The following SVOPL variants were observed in gnomAD, a reference collection of about 807,000 sequenced individuals.
The protein encoded by SVOPL is SVOP like, also known as putative transporter SVOPL.
Under a neutral mutation model 61.0 loss-of-function variants are expected in SVOPL, and 60 were observed. The ratio of observed to expected loss-of-function variants is 0.98; its 90% confidence interval spans 0.80 to 1.22. The LOEUF is 1.22. Ranked by LOEUF, SVOPL falls within the 50% of genes most tolerant of loss-of-function variation. The pLI is 0.00. For missense variants in SVOPL, 662 were observed against 643.9 expected (o/e 1.03, Z -0.30); for synonymous variants, 279 against 250.0 (o/e 1.12, Z -1.09).
intron 1 of SVOPL, among the ~76,000 whole-genome samples, chr7:138,696,911 A>G (rs1584874115): frequency 6.6e-6 from 1 of 152,056 alleles, no homozygotes; most frequent in East Asian, 1.9e-4. Flanking sequence ...CCTGCTCTCC[A>G]TTACTGGCCA....
chr7:138,644,197 CAAAAAAA>C lies in SVOPL; in HGVS notation c.789+513_789+519del, dbSNP rs71179714. On this transcript the variant is annotated intron_variant, in intron 9 of 15. Transcript: ENST00000674285. ...GCCTGGTGACAGAGCAAGACTCCAT[CAAAAAAA>C]AAAAAAAAAAAAAAAAAAAAAAGGA... 3.5e-3 allele frequency among the ~76,000 whole-genome samples: 175 copies of C among 50,394 alleles called. 1 individual carries two copies. The highest frequency in any genetic ancestry group is 0.022 in the Middle Eastern group (1 of 46). 33.1% of individuals were successfully genotyped at this position (50,394 alleles called of 152,430 possible). A position where few individuals can be genotyped will look rare whatever the true frequency, so the allele number is the denominator to read the frequency against.
intron 1 of SVOPL, among the ~76,000 whole-genome samples, chr7:138,700,072 T>C (rs1803156072): frequency 6.6e-6 from 1 of 152,186 alleles, no homozygotes. Flanking sequence ...CGTTCACATC[T>C]GTACCTTGGA....
chr7:138,611,323 G>A (rs984569781), intron 14 of SVOPL, among the ~76,000 whole-genome samples: 6 of 152,042 alleles, frequency 3.9e-5, no homozygotes, highest in South Asian at 2.1e-4. Context: ...GGTTGTAGTG[G>A]GCTGAGATCG....
rs112974220 is a variant in SVOPL at position 138,694,209 on chromosome 7, C to T, written c.-35+6969G>A. ...ATGAGATAGTCAAACACGTATACAACGATATAGGTGGGCATAAGGAAGGTC... is the reference window on the plus strand; with the variant it reads ...ATGAGATAGTCAAACACGTATACAATGATATAGGTGGGCATAAGGAAGGTC... On this transcript the variant is annotated intron_variant, in intron 1 of 15. Coordinates refer to ENST00000674285, the MANE Select transcript of SVOPL (RefSeq NM_001139456.2). Among the ~76,000 whole-genome samples, 1,483 of 152,284 alleles carry T rather than the reference C, an allele frequency of 9.7e-3. 26 individuals carry two copies. The highest frequency in any genetic ancestry group is 0.034 in the African/African-American group (1,424 of 41,558).
At chr7:138,609,534 C>T (rs533218389) in intron 14 of SVOPL, among the ~76,000 whole-genome samples, 1 of 151,492 alleles carries the variant, frequency 6.6e-6, no homozygotes, top group East Asian at 1.9e-4. Context: ...TGGTGAGCAC[C>T]TGCAGTCCCA....
Position 138,596,509 on chromosome 7 carries a change from G to T in SVOPL, c.1375C>A (p.Leu459Met). The T allele has an allele frequency of 6.2e-7, 1 of 1,613,748 alleles. No individual in the cohort carries two copies. The highest frequency in any genetic ancestry group is 8.5e-7 in the Non-Finnish European group (1 of 1,179,792). The change falls in exon 15 of 16, where the codon CTG becomes ATG. Residue 459 changes from leucine to methionine, a missense_variant. Leu to Met is a conservative substitution (Grantham distance 15). Coordinates refer to ENST00000674285, the MANE Select transcript of SVOPL (RefSeq NM_001139456.2). ...ISQVLMSASI[L>M]GALCLFSSVC... ...GATGAGAAGAGACACAGGGCCCCCA[G>T]TATTGATGCACTCATAAGAACCTGC...
chr7:138,606,161 A>T (rs1798751105), intron 14 of SVOPL, among the ~76,000 whole-genome samples: 1 of 152,146 alleles, frequency 6.6e-6, no homozygotes, highest in South Asian at 2.1e-4. Flanking sequence ...CTATTGGAAG[A>T]GATTGATTTT....
At chr7:138,680,380 C>A (rs1046291336) in intron 1 of SVOPL, among the ~76,000 whole-genome samples, 3 of 152,172 alleles carry the variant, frequency 2.0e-5, no homozygotes, top group Admixed American at 1.3e-4. Flanking sequence ...AACTCCTGAC[C>A]TCAAGTGATC....
intron 3 of SVOPL, among the ~76,000 whole-genome samples, chr7:138,674,796 C>T (rs1248725585): frequency 2.7e-5 from 4 of 150,828 alleles, no homozygotes; most frequent in Non-Finnish European, 5.9e-5. Context: ...GCACAGCTTG[C>T]AGTGAGCCGA....
At chr7:138,649,599 G>A (rs1801318354) in intron 7 of SVOPL, among the ~76,000 whole-genome samples, 1 of 151,786 alleles carries the variant, frequency 6.6e-6, no homozygotes, top group Non-Finnish European at 1.5e-5. Context: ...GCCTAGCCCG[G>A]GGTGACTATT....
chr7:138,644,192 T>C (rs1344097661), intron 9 of SVOPL, among the ~76,000 whole-genome samples: 3 of 77,278 alleles, frequency 3.9e-5, no homozygotes, highest in Admixed American at 2.3e-4. Context: ...AGAGCAAGAC[T>C]CCATCAAAAA....
intron 14 of SVOPL, among the ~76,000 whole-genome samples, chr7:138,613,373 C>T (rs576758719): frequency 6.6e-6 from 1 of 152,226 alleles, no homozygotes; most frequent in African/African-American, 2.4e-5. Context: ...TGCTTAAAAC[C>T]CTTAAAGTTT....
At chr7:138,638,539 G>A (rs1184629227) in intron 9 of SVOPL, among the ~76,000 whole-genome samples, 1 of 152,012 alleles carries the variant, frequency 6.6e-6, no homozygotes, top group African/African-American at 2.4e-5. Context: ...AGATTGCAGT[G>A]AACTATGATT....
At chr7:138,670,816 C>CT (rs1563132419) in intron 4 of SVOPL, among the ~76,000 whole-genome samples, 1 of 152,108 alleles carries the variant, frequency 6.6e-6, no homozygotes, top group Non-Finnish European at 1.5e-5. Context: ...TACCCTGCAG[C>CT]CTTATCTCCT....
At position 138,672,109 on chromosome 7, in the gene SVOPL, C is replaced by T. The variant is rs1235561739; in HGVS notation, c.183G>A (p.Glu61=). The part of the protein sequence containing the change: ...FLIMGSTGVV[E]AMEIMLIAVV... ...CAGCTATCAACATGATCTCCATGGC[C>T]TCAACCACCTTAAAGAAGAGGGACA... Residue 61 remains glutamate (E), a synonymous_variant, in exon 4 of 16, where the codon GAG becomes GAA. Transcript: ENST00000674285. 1.0e-5 allele frequency: 16 copies of T among 1,551,548 alleles called. No individual in the cohort carries two copies. In the East Asian group the frequency reaches 3.9e-4, roughly 38 times the overall value.
At chr7:138,688,080 C>T (rs991414308) in intron 1 of SVOPL, among the ~76,000 whole-genome samples, 25 of 152,066 alleles carry the variant, frequency 1.6e-4, no homozygotes, top group African/African-American at 5.6e-4. Context: ...GGATTACAGG[C>T]GTGAGCCACT....
intron 9 of SVOPL, among the ~76,000 whole-genome samples, chr7:138,634,191 T>C (rs963124868): frequency 9.2e-5 from 14 of 152,324 alleles, no homozygotes; most frequent in Middle Eastern, 3.4e-3. Flanking sequence ...CCTTGGATCC[T>C]GTTCTTCCTC....
In SVOPL at chr7:138,621,878, C is replaced by CTATGTATCTATCTATG. The variant is rs1563095609; in HGVS notation, c.1264-744_1264-743insCATAGATAGATACATA. Among the ~76,000 whole-genome samples, 62 of 43,380 alleles carry CTATGTATCTATCTATG rather than the reference C, an allele frequency of 1.4e-3. 7 individuals are homozygous for CTATGTATCTATCTATG. Among genetic ancestry groups the CTATGTATCTATCTATG allele is most frequent in the East Asian group, 2.1e-3 (4 of 1,906 alleles). The allele number at this position is 43,380 out of a possible 152,430, so 28.5% of individuals were successfully genotyped here. On this transcript the variant is annotated intron_variant, in intron 13 of 15. Coordinates refer to ENST00000674285, the MANE Select transcript of SVOPL (RefSeq NM_001139456.2). ...TCTATCTATCTATCTATCTATCTAT[C>CTATGTATCTATCTATG]TATCTATCTATCTATCTATCTATCT...
Position 138,621,780 on chromosome 7 carries a change from T to TTCTA in SVOPL, c.1264-649_1264-646dup, listed in dbSNP as rs1212023976. On this transcript the variant is annotated intron_variant, in intron 13 of 15. Transcript: ENST00000674285. ...GCTGTTGCAGAATCTTAACAGCATATTCTATCTATCTATCTATCTATGTAT... is the reference window on the plus strand; with the variant it reads ...GCTGTTGCAGAATCTTAACAGCATATTCTATCTATCTATCTATCTATCTATGTAT... Among the ~76,000 whole-genome samples, 532 of 90,922 alleles carry TTCTA rather than the reference T, an allele frequency of 5.9e-3. 5 individuals carry two copies. The highest frequency in any genetic ancestry group is 0.02 in the African/African-American group (507 of 25,434). 59.6% of individuals were successfully genotyped at this position (90,922 alleles called of 152,430 possible). A position where few individuals can be genotyped will look rare whatever the true frequency, so the allele number is the denominator to read the frequency against.
Sources: gnomAD v4.1 joint callset for allele counts (sites outside exome capture counted in the v4.1 genomes callset) on GRCh38, gnomAD v4.1.1 for gene constraint, MANE v1.5 for transcripts, NCBI Gene and HGNC (gene_info 2026-07-23, HGNC 2026-07-21) for gene names.